MAPK8: variants seen among roughly 807,000 people sequenced by gnomAD.
MAPK8 encodes the protein mitogen-activated protein kinase 8, also known as JUN N-terminal kinase.
MAPK8 carries 13 observed loss-of-function variants against 52.9 expected under a neutral mutation model. The ratio of observed to expected loss-of-function variants is 0.25; its 90% CI spans 0.16 to 0.39. The LOEUF is 0.39. MAPK8 is among the 10% of genes least tolerant of loss of function. The pLI is 1.00. For synonymous variants in MAPK8, 191 were observed against 169.8 expected, an observed-to-expected ratio of 1.12 and a Z score of -0.97; for missense variants, 300 against 519.2, an observed-to-expected ratio of 0.58 and a Z score of 4.10.
intron 1 of MAPK8, among the ~76,000 whole-genome samples, chr10:48,350,730 T>C (rs1407988436): frequency 1.3e-5 from 2 of 152,206 alleles, no homozygotes; most frequent in East Asian, 3.8e-4. Flanking sequence ...CCTCTCTCAC[T>C]ACTCCTATTC....
At chr10:48,367,236 C>T (rs749820071) in intron 1 of MAPK8, among the ~76,000 whole-genome samples, 13 of 152,144 alleles carry the variant, frequency 8.5e-5, no homozygotes, top group Non-Finnish European at 1.6e-4. Flanking sequence ...CTTGGTGGTA[C>T]ACGCCTGTAG....
intron 5 of MAPK8, among the ~76,000 whole-genome samples, chr10:48,414,568 ATTTT>A (rs3047769): frequency 1.2e-3 from 107 of 88,440 alleles, no homozygotes; most frequent in East Asian, 2.9e-3. Context: ...GTTGAAAAGA[ATTTT>A]TTTTTTTTTT....
At chr10:48,340,947 G>A (rs928850173) in intron 1 of MAPK8, among the ~76,000 whole-genome samples, 4 of 152,152 alleles carry the variant, frequency 2.6e-5, no homozygotes, top group African/African-American at 9.7e-5. Flanking sequence ...TCTGGAAAGA[G>A]CCTCCTGCCA....
intron 1 of MAPK8, among the ~76,000 whole-genome samples, chr10:48,389,290 G>C (rs1193226615): frequency 6.6e-6 from 1 of 152,262 alleles, no homozygotes; most frequent in Admixed American, 6.5e-5. Context: ...AGTTAGGGTT[G>C]AGGCCAAGAA....
intron 1 of MAPK8, among the ~76,000 whole-genome samples, chr10:48,313,466 TAATC>T (rs1842181049): frequency 6.6e-6 from 1 of 152,020 alleles, no homozygotes; most frequent in Non-Finnish European, 1.5e-5. Context: ...CACCCAGAAA[TAATC>T]AAAGACATTA....
intron 1 of MAPK8, among the ~76,000 whole-genome samples, chr10:48,401,097 T>TGG (rs2042136670): frequency 6.6e-6 from 1 of 152,248 alleles, no homozygotes; most frequent in Non-Finnish European, 1.5e-5. Context: ...GAAGGCACTG[T>TGG]GGTACCCTTT....
chr10:48,351,990 G>A (rs1846383046), intron 1 of MAPK8, among the ~76,000 whole-genome samples: 2 of 152,152 alleles, frequency 1.3e-5, no homozygotes, highest in African/African-American at 4.8e-5. Context: ...TCTGGAGCCT[G>A]TGGACATGAA....
intron 1 of MAPK8, among the ~76,000 whole-genome samples, chr10:48,396,328 A>G (rs759914433): frequency 2.6e-5 from 4 of 152,210 alleles, no homozygotes; most frequent in African/African-American, 4.8e-5. Context: ...ATAGATGACA[A>G]AGAAGCACAT....
chr10:48,331,571 A>G (rs570312376), intron 1 of MAPK8, among the ~76,000 whole-genome samples: 3 of 152,278 alleles, frequency 2.0e-5, no homozygotes, highest in Admixed American at 6.5e-5. Context: ...TTGCACAGCT[A>G]TCTTAGTGGG....
chr10:48,349,130 A>T (rs540789545), intron 1 of MAPK8, among the ~76,000 whole-genome samples: 4 of 152,310 alleles, frequency 2.6e-5, no homozygotes, highest in African/African-American at 9.6e-5. Flanking sequence ...TCATAAAGCA[A>T]GTTCTTAGAG....
chr10:48,329,319 C>T (rs565939190), intron 1 of MAPK8, among the ~76,000 whole-genome samples: 4 of 152,260 alleles, frequency 2.6e-5, no homozygotes, highest in Admixed American at 2.6e-4. Context: ...TAATGGGTGT[C>T]ACTCTTATTA....
At chr10:48,364,143 T>C (rs1847820858) in intron 1 of MAPK8, among the ~76,000 whole-genome samples, 1 of 152,188 alleles carries the variant, frequency 6.6e-6, no homozygotes, top group Admixed American at 6.5e-5. Flanking sequence ...TCTGTAGTAA[T>C]ATTTATTTAG....
chr10:48,331,302 A>T (rs1196798558), intron 1 of MAPK8, among the ~76,000 whole-genome samples: 1 of 152,200 alleles, frequency 6.6e-6, no homozygotes, highest in Non-Finnish European at 1.5e-5. Flanking sequence ...TCTTGGTTAC[A>T]CTAATTACCA....
intron 1 of MAPK8, among the ~76,000 whole-genome samples, chr10:48,337,247 A>G (rs1844776151): frequency 1.3e-5 from 2 of 152,192 alleles, no homozygotes; most frequent in Non-Finnish European, 2.9e-5. Context: ...AAAAAAGCAG[A>G]AATCATACCA....
intron 1 of MAPK8, among the ~76,000 whole-genome samples, chr10:48,341,693 G>A (rs1448759159): frequency 6.6e-6 from 1 of 152,222 alleles, no homozygotes; most frequent in Non-Finnish European, 1.5e-5. Flanking sequence ...TAGTGAAGAA[G>A]AGGATTAATT....
At chr10:48,319,691 C>T (rs1412607784) in intron 1 of MAPK8, among the ~76,000 whole-genome samples, 1 of 152,010 alleles carries the variant, frequency 6.6e-6, no homozygotes, top group African/African-American at 2.4e-5. Context: ...AGGGTTTCAC[C>T]ATGTTGGCCA....
chr10:48,428,814 G>T (rs1164113603), intron 10 of MAPK8, among the ~76,000 whole-genome samples: 1 of 151,440 alleles, frequency 6.6e-6, no homozygotes, highest in Non-Finnish European at 1.5e-5. Context: ...TTTTTTGGTT[G>T]TTTTTTTTGT....
chr10:48,419,140 C>T (rs1241361243), intron 5 of MAPK8, among the ~76,000 whole-genome samples: 1 of 152,048 alleles, frequency 6.6e-6, no homozygotes, highest in African/African-American at 2.4e-5. Flanking sequence ...TCTTCTAAAC[C>T]CATCCATGAT....
chr10:48,422,005 T>TTTTA (rs781509836), intron 6 of MAPK8, among the ~76,000 whole-genome samples: 1,316 of 107,982 alleles, frequency 0.012, 11 homozygotes, highest in South Asian at 0.024. Context: ...ATTTTATTTA[T>TTTTA]CTTATTTATT....
Sources: allele counts gnomAD v4.1 joint callset (sites outside exome capture counted in the v4.1 genomes callset), GRCh38; gene constraint gnomAD v4.1.1; transcripts MANE v1.5; gene names NCBI Gene and HGNC (gene_info 2026-07-23, HGNC 2026-07-21).